DGKB: variants seen among roughly 807,000 people sequenced by gnomAD.
DGKB encodes diacylglycerol kinase beta, also known as 90 kDa diacylglycerol kinase.
Under a neutral mutation model 114.3 loss-of-function variants are expected in DGKB, and 67 were observed. The ratio of observed to expected loss-of-function variants is 0.59; its 90% CI spans 0.48 to 0.72. The LOEUF (loss-of-function observed/expected upper bound fraction) is 0.72, where lower values mean the gene tolerates loss of function less well. DGKB is among the 30% of genes least tolerant of loss of function. The pLI is 0.00. For synonymous variants in DGKB, 398 were observed against 323.1 expected (o/e 1.23, Z -2.49); for missense variants, 907 against 975.2 (o/e 0.93, Z 0.93).
intron 6 of DGKB, among the ~76,000 whole-genome samples, chr7:14,714,570 C>A (rs1347292881): frequency 1.3e-5 from 2 of 151,742 alleles, no homozygotes; most frequent in African/African-American, 4.8e-5. Context: ...AAGGAAGTTG[C>A]AAGAACATAC....
chr7:14,208,494 T>C (rs548966293), intron 23 of DGKB, among the ~76,000 whole-genome samples: 1 of 152,148 alleles, frequency 6.6e-6, no homozygotes, highest in African/African-American at 2.4e-5. Flanking sequence ...TCCCTTTTGC[T>C]GGGTTGCAAG....
At chr7:14,432,819 C>T (rs753146906) in intron 21 of DGKB, among the ~76,000 whole-genome samples, 1 of 152,108 alleles carries the variant, frequency 6.6e-6, no homozygotes, top group South Asian at 2.1e-4. Flanking sequence ...TTTCCCTTGT[C>T]TTTCTTTCCG....
intron 19 of DGKB, among the ~76,000 whole-genome samples, chr7:14,576,777 G>A (rs1319716382): frequency 6.6e-6 from 1 of 152,144 alleles, no homozygotes; most frequent in Non-Finnish European, 1.5e-5. Context: ...TTGTAGCAGG[G>A]TCACGCAGCT....
intron 21 of DGKB, among the ~76,000 whole-genome samples, chr7:14,438,349 G>A (rs1053091720): frequency 2.6e-5 from 4 of 152,066 alleles, no homozygotes; most frequent in Non-Finnish European, 4.4e-5. Flanking sequence ...TACCAAGCAC[G>A]TCACATTTGG....
At chr7:14,573,456 A>G (rs73680434) in intron 20 of DGKB, among the ~76,000 whole-genome samples, 443 of 142,304 alleles carry the variant, frequency 3.1e-3, no homozygotes, top group African/African-American at 0.011. Flanking sequence ...TAGCCTTTTT[A>G]TAATCTATCT....
chr7:14,937,900 C>T (rs1785360592), intron 1 of DGKB, among the ~76,000 whole-genome samples: 1 of 152,238 alleles, frequency 6.6e-6, no homozygotes, highest in Non-Finnish European at 1.5e-5. Flanking sequence ...TTCTTAATAA[C>T]ATTTTCTCTT....
chr7:14,589,235 G>A (rs747188225), intron 17 of DGKB, among the ~76,000 whole-genome samples: 4 of 151,704 alleles, frequency 2.6e-5, no homozygotes, highest in Non-Finnish European at 5.9e-5. Flanking sequence ...GTTATACATT[G>A]ATTTTATAAA....
intron 23 of DGKB, among the ~76,000 whole-genome samples, chr7:14,306,072 T>G (rs1208710269): frequency 1.3e-5 from 2 of 152,084 alleles, no homozygotes; most frequent in African/African-American, 4.8e-5. Flanking sequence ...CTTTTTTTCC[T>G]CAGAGATAAT....
intron 25 of DGKB, among the ~76,000 whole-genome samples, chr7:14,154,841 A>G (rs1192485529): frequency 2.1e-5 from 3 of 140,432 alleles, no homozygotes; most frequent in South Asian, 5.1e-4. Flanking sequence ...AAGTCTATAC[A>G]TTCTGCTTTT....
chr7:14,793,438 G>T (rs527603850), intron 2 of DGKB, among the ~76,000 whole-genome samples: 1 of 152,162 alleles, frequency 6.6e-6, no homozygotes, highest in East Asian at 1.9e-4. Context: ...TTCCTGAAAG[G>T]ATTGAAGATG....
chr7:14,841,395 A>G lies in DGKB; in HGVS notation c.-132T>C, dbSNP rs977294944. On this transcript the variant is annotated 5_prime_UTR_variant, in exon 2 of 26. Transcript: ENST00000402815. ...ATACCTCAGGCTTTCAAAATATGCA[A>G]TCTGTCCACATGAAACTGCTTTGGA... is the stretch of plus-strand genomic sequence containing the variant. 1.4e-6 allele frequency: 1 copy of G among 691,040 alleles called. No homozygotes were observed. Among genetic ancestry groups the G allele is most frequent in the South Asian group, 2.2e-5 (1 of 44,968 alleles). The allele number at this position is 691,040 out of a possible 1,614,324, so 42.8% of individuals were successfully genotyped here.
chr7:14,334,110 A>G (rs1338743504), intron 23 of DGKB, among the ~76,000 whole-genome samples: 1 of 152,156 alleles, frequency 6.6e-6, no homozygotes, highest in African/African-American at 2.4e-5. Flanking sequence ...TTTAGGTATC[A>G]TCACTTTGTT....
At position 14,718,627 on chromosome 7, in the gene DGKB, C is replaced by T. The variant is rs55869830; in HGVS notation, c.381G>A (p.Thr127=). Residue 127 remains threonine, a synonymous_variant, in exon 6 of 26, where the codon ACG becomes ACA. Transcript: ENST00000402815. ...TCAGATGGATTACTTCTGGGGAACA[C>T]GTATTTGCAGGAGAAGTAGTCCGGG... ...TPPRTTSPAN[T]CSPEVIHLKD... is the part of the protein sequence containing the mutation. The T allele has an allele frequency of 2.0e-3, 3,184 of 1,611,824 alleles. 43 individuals carry two copies. The African/African-American group carries it at 0.037, about 19-fold the overall frequency.
chr7:14,475,404 T>C (rs541513725), intron 21 of DGKB, among the ~76,000 whole-genome samples: 1 of 152,308 alleles, frequency 6.6e-6, no homozygotes, highest in South Asian at 2.1e-4. Context: ...TATCACATTA[T>C]GGTTTAGGGA....
At chr7:14,383,509 T>A (rs754325762) in intron 21 of DGKB, among the ~76,000 whole-genome samples, 1 of 152,174 alleles carries the variant, frequency 6.6e-6, no homozygotes, top group Non-Finnish European at 1.5e-5. Context: ...ATGTGTTGGC[T>A]TTCCAGTGTC....
At chr7:14,589,288 G>C (rs1373483728) in intron 17 of DGKB, among the ~76,000 whole-genome samples, 1 of 151,714 alleles carries the variant, frequency 6.6e-6, no homozygotes, top group African/African-American at 2.4e-5. Context: ...CATTTTGTTT[G>C]TGGATACATT....
Position 14,785,157 on chromosome 7 carries a change from C to T in DGKB, c.71-27426G>A, listed in dbSNP as rs186685732. Reference sequence around the variant, plus strand: ...TTGACATTTTACACTTATTTTATCACATGACTTTCAAAGTCTCGGAAAAAA... The same window carrying T: ...TTGACATTTTACACTTATTTTATCATATGACTTTCAAAGTCTCGGAAAAAA... On this transcript the variant is annotated intron_variant, in intron 2 of 25. Coordinates refer to ENST00000402815, the MANE Select transcript of DGKB (RefSeq NM_001350709.2). 1.8e-3 allele frequency among the ~76,000 whole-genome samples: 268 copies of T among 152,114 alleles called. 1 individual carries two copies. Among genetic ancestry groups the T allele is most frequent in the Admixed American group, 2.0e-3 (30 of 15,264 alleles).
chr7:14,662,023 G>T (rs1051734750), intron 13 of DGKB, among the ~76,000 whole-genome samples: 2 of 152,022 alleles, frequency 1.3e-5, no homozygotes, highest in African/African-American at 4.8e-5. Context: ...CATGGACACA[G>T]GAAGGGGAAC....
chr7:14,903,593 C>A (rs1021153676), upstream of DGKB, among the ~76,000 whole-genome samples: 4 of 152,142 alleles, frequency 2.6e-5, no homozygotes, highest in African/African-American at 9.7e-5. Context: ...GCCACTTCTA[C>A]CAATTGTAGC....
Sources: gnomAD v4.1 joint callset for allele counts (sites outside exome capture counted in the v4.1 genomes callset) on GRCh38, gnomAD v4.1.1 for gene constraint, MANE v1.5 for transcripts, NCBI Gene and HGNC (gene_info 2026-07-23, HGNC 2026-07-21) for gene names.